Variants in LRP1B observed in about 807,000 individuals in gnomAD.
LRP1B encodes low-density lipoprotein receptor-related protein 1B.
Under a neutral mutation model 556.6 loss-of-function variants are expected in LRP1B, and 217 were observed. The ratio of observed to expected loss-of-function variants is 0.39; its 90% confidence interval spans 0.35 to 0.44. LRP1B has a LOEUF of 0.44. LRP1B is among the 20% of genes least tolerant of loss of function. LRP1B has a pLI of 1.00. For missense variants in LRP1B, 5,053 were observed against 5,620.8 expected, an observed-to-expected ratio of 0.90 and a Z score of 3.23; for synonymous variants, 2,047 against 1,865.8, an observed-to-expected ratio of 1.10 and a Z score of -2.50.
chr2:141,423,290 CT>C (rs1176569388), intron 3 of LRP1B, among the ~76,000 whole-genome samples: 6,203 of 68,282 alleles, frequency 0.091, 606 homozygotes, highest in African/African-American at 0.24. Context: ...ACAGCCAGAG[CT>C]TTTTTTTTTT....
rs187589430 is a variant in LRP1B, at chr2:141,986,422, G to T, written c.82+144226C>A. Among the ~76,000 whole-genome samples, 12 of 151,942 alleles carry T rather than the reference G, an allele frequency of 7.9e-5. No homozygotes were observed. In the East Asian group the frequency reaches 1.9e-3, roughly 24 times the overall value. ...ACTTGCCATGTATTCTAAGGTATGG[G>T]TTTCAAGAGTTTCTGAGTATCAGAG... On this transcript the variant is annotated intron_variant, in intron 1 of 90. Coordinates refer to ENST00000389484, the MANE Select transcript of LRP1B (RefSeq NM_018557.3).
intron 3 of LRP1B, among the ~76,000 whole-genome samples, chr2:141,413,877 G>A (rs1221683637): frequency 1.3e-5 from 2 of 151,632 alleles, no homozygotes; most frequent in Non-Finnish European, 2.9e-5. Flanking sequence ...AGGAGAGAGA[G>A]AGAGAGAGAG....
intron 2 of LRP1B, among the ~76,000 whole-genome samples, chr2:141,623,882 G>A (rs1688598591): frequency 6.6e-6 from 1 of 151,296 alleles, no homozygotes; most frequent in Non-Finnish European, 1.5e-5. Flanking sequence ...GGGCACGGTG[G>A]CAGGTTCGTG....
chr2:140,445,934 TAATA>T (rs1031801242), intron 63 of LRP1B, among the ~76,000 whole-genome samples: 23 of 152,268 alleles, frequency 1.5e-4, no homozygotes, highest in African/African-American at 5.1e-4. Context: ...AATCAAACAC[TAATA>T]AATAGCATTT....
At chr2:141,345,186 A>G (rs1285103451) in intron 3 of LRP1B, among the ~76,000 whole-genome samples, 2 of 151,518 alleles carry the variant, frequency 1.3e-5, no homozygotes, top group Non-Finnish European at 2.9e-5. Flanking sequence ...AAAAACCCAC[A>G]AGAAAATGGA....
At chr2:140,951,965 A>G in intron 18 of LRP1B, 25 bp from the exon 19 acceptor site, 2 of 1,511,832 alleles carry the variant, frequency 1.3e-6, no homozygotes, top group Non-Finnish European at 1.8e-6. Context: ...AAAATGTCCA[A>G]AAGGTAACAT....
intron 7 of LRP1B, among the ~76,000 whole-genome samples, chr2:141,144,515 A>C (rs1304261936): frequency 1.3e-5 from 2 of 152,180 alleles, no homozygotes; most frequent in Non-Finnish European, 2.9e-5. Context: ...AGGAAGTTCT[A>C]AGTTATATCT....
At chr2:141,879,929 G>A (rs1263987043) in intron 1 of LRP1B, among the ~76,000 whole-genome samples, 1 of 151,834 alleles carries the variant, frequency 6.6e-6, no homozygotes, top group Non-Finnish European at 1.5e-5. Context: ...TTTCCTATGT[G>A]TTAACCTGGA....
chr2:140,270,229 A>G lies in LRP1B; in HGVS notation c.13247+13T>C, dbSNP rs368226290. ...CTTATTATAAGATGCCCATGACTTGATTAAATACTCACAGACACACAGGTA... is the reference window on the plus strand; with the variant it reads ...CTTATTATAAGATGCCCATGACTTGGTTAAATACTCACAGACACACAGGTA... On this transcript the variant is annotated intron_variant, in intron 86 of 90. Transcript: ENST00000389484. 22 of 1,596,924 alleles carry G rather than the reference A, an allele frequency of 1.4e-5. No homozygotes were observed. The highest frequency in any genetic ancestry group is 1.1e-4 in the East Asian group (5 of 44,716).
intron 12 of LRP1B, 144 bp downstream of exon 12, chr2:141,019,778 A>T: frequency 3.6e-6 from 2 of 550,622 alleles, no homozygotes; most frequent in Non-Finnish European, 6.1e-6. Context: ...AAAAACCCTT[A>T]AATGTGTAAC....
chr2:141,065,857 C>T (rs552778826), intron 7 of LRP1B, among the ~76,000 whole-genome samples: 15 of 151,918 alleles, frequency 9.9e-5, no homozygotes, highest in African/African-American at 3.4e-4. Context: ...GAACCAAGGG[C>T]CCCCAGGTTA....
intron 3 of LRP1B, among the ~76,000 whole-genome samples, chr2:141,429,863 G>A (rs1480487706): frequency 6.6e-6 from 1 of 152,138 alleles, no homozygotes; most frequent in African/African-American, 2.4e-5. Context: ...AAAGAAAAAA[G>A]CCTTAGAGAA....
intron 3 of LRP1B, among the ~76,000 whole-genome samples, chr2:141,455,656 A>T (rs6715533): frequency 0.2 from 30,571 of 152,094 alleles, 3,613 homozygotes; most frequent in East Asian, 0.44. Context: ...TATCCTTAGC[A>T]ACTCAGTAAC....
chr2:141,869,453 A>C (rs1698515633), intron 1 of LRP1B, among the ~76,000 whole-genome samples: 1 of 152,084 alleles, frequency 6.6e-6, no homozygotes, highest in African/African-American at 2.4e-5. Context: ...AAATTATATT[A>C]TTAAAATTAA....
At chr2:141,569,393 G>A (rs947350512) in intron 2 of LRP1B, among the ~76,000 whole-genome samples, 1 of 151,028 alleles carries the variant, frequency 6.6e-6, no homozygotes, top group Non-Finnish European at 1.5e-5. Flanking sequence ...AAAAAAGAAT[G>A]TAGATTATCA....
intron 25 of LRP1B, among the ~76,000 whole-genome samples, chr2:140,874,686 T>C (rs1397013318): frequency 2.0e-5 from 3 of 152,000 alleles, no homozygotes; most frequent in Non-Finnish European, 4.4e-5. Context: ...TTTAAAGTAC[T>C]TGTGATATTA....
chr2:140,366,157 A>G (rs1184731953), intron 71 of LRP1B, among the ~76,000 whole-genome samples: 1 of 151,722 alleles, frequency 6.6e-6, no homozygotes, highest in Admixed American at 6.6e-5. Flanking sequence ...GGAAAAAGAC[A>G]TATTTCAAGA....
intron 1 of LRP1B, among the ~76,000 whole-genome samples, chr2:142,042,282 A>G (rs574523966): frequency 5.3e-5 from 8 of 151,612 alleles, no homozygotes; most frequent in Admixed American, 3.3e-4. Context: ...CAGAATTTAA[A>G]TAGCACATAG....
At chr2:140,771,948 A>G (rs1453524317) in intron 33 of LRP1B, among the ~76,000 whole-genome samples, 1 of 152,200 alleles carries the variant, frequency 6.6e-6, no homozygotes, top group East Asian at 1.9e-4. Flanking sequence ...CTTCTTCTGA[A>G]TTCAAGATGG....
Sources: gnomAD v4.1 joint callset for allele counts (sites outside exome capture counted in the v4.1 genomes callset) on GRCh38, gnomAD v4.1.1 for gene constraint, MANE v1.5 for transcripts, NCBI Gene and HGNC (gene_info 2026-07-23, HGNC 2026-07-21) for gene names.